The following MAPRE3 variants were observed in gnomAD, a reference collection of about 807,000 sequenced individuals.
The protein encoded by MAPRE3 is microtubule-associated protein RP/EB family member 3.
MAPRE3 carries 2 observed loss-of-function variants against 30.5 expected under a neutral mutation model. That is an observed-to-expected ratio of 0.07 (90% CI 0.03 to 0.21). MAPRE3 has a LOEUF of 0.21. Among genes scored for constraint, MAPRE3 ranks in the 10% least tolerant of loss-of-function variants. The pLI is 1.00. For missense variants in MAPRE3, 204 were observed against 351.8 expected (o/e 0.58, Z 3.36); for synonymous variants, 110 against 127.7 (o/e 0.86, Z 0.93).
intron 1 of MAPRE3, among the ~76,000 whole-genome samples, chr2:26,993,309 G>A (rs962844355): frequency 6.6e-6 from 1 of 152,164 alleles, no homozygotes; most frequent in Non-Finnish European, 1.5e-5. Flanking sequence ...GGTGGAGATT[G>A]CAGTAAGCCG....
chr2:26,993,175 C>G (rs1666384665), intron 1 of MAPRE3, among the ~76,000 whole-genome samples: 1 of 152,056 alleles, frequency 6.6e-6, no homozygotes, highest in Admixed American at 6.6e-5. Context: ...TTGAGACTAG[C>G]CTGGCCAACA....
At chr2:26,995,842 T>TGTGTGTGTGTGGG (rs1572753429) in intron 1 of MAPRE3, among the ~76,000 whole-genome samples, 1 of 150,118 alleles carries the variant, frequency 6.7e-6, no homozygotes. Flanking sequence ...TGTGTGTGTG[T>TGTGTGTGTGTGGG]TTTGGAAAAG....
intron 1 of MAPRE3, among the ~76,000 whole-genome samples, chr2:26,990,645 G>A (rs956316077): frequency 4.6e-5 from 7 of 152,202 alleles, no homozygotes; most frequent in Admixed American, 4.6e-4. Context: ...AGAAAGGTCT[G>A]AGGAATATAC....
intron 1 of MAPRE3, among the ~76,000 whole-genome samples, chr2:27,010,918 A>G (rs547116201): frequency 6.6e-6 from 1 of 152,300 alleles, no homozygotes; most frequent in Non-Finnish European, 1.5e-5. Flanking sequence ...CTCCACAATC[A>G]TCTGCAGGTC....
chr2:27,018,453 T>G (rs542253693), intron 1 of MAPRE3, among the ~76,000 whole-genome samples: 27 of 152,202 alleles, frequency 1.8e-4, no homozygotes, highest in Non-Finnish European at 3.7e-4. Flanking sequence ...TCTCTACCTC[T>G]GCATGCCCTC....
rs181633162 is a variant in MAPRE3, at chr2:26,989,432, T to A, written c.-8+18630T>A. 3.3e-5 allele frequency among the ~76,000 whole-genome samples: 5 copies of A among 152,300 alleles called. No homozygotes were observed. In the East Asian group the frequency reaches 9.6e-4, roughly 29 times the overall value. On this transcript the variant is annotated intron_variant, in intron 1 of 6. Coordinates refer to ENST00000233121, the MANE Select transcript of MAPRE3 (RefSeq NM_012326.4). ...AAGGACAATAACAGCAGAAACTGAA[T>A]GAAAGGCAGGCTTGAATTCTGTTCT...
chr2:27,005,707 A>T (rs917233385), intron 1 of MAPRE3, among the ~76,000 whole-genome samples: 3 of 152,216 alleles, frequency 2.0e-5, no homozygotes, highest in African/African-American at 7.2e-5. Flanking sequence ...TGAGAACATG[A>T]CATCCAAAGG....
intron 1 of MAPRE3, chr2:27,002,772 C>T (rs1666628716): frequency 6.6e-6 from 1 of 152,244 alleles, no homozygotes; most frequent in Non-Finnish European, 1.5e-5. Context: ...CTCATCTATT[C>T]TTGTTTTGAA....
intron 1 of MAPRE3, among the ~76,000 whole-genome samples, chr2:26,974,527 C>T (rs1481461516): frequency 1.3e-5 from 2 of 152,162 alleles, no homozygotes; most frequent in Non-Finnish European, 2.9e-5. Context: ...AGAGGAGGAG[C>T]GTGCACATTG....
chr2:27,017,868 A>G (rs1365422277), intron 1 of MAPRE3, among the ~76,000 whole-genome samples: 1 of 152,130 alleles, frequency 6.6e-6, no homozygotes. Flanking sequence ...TATCATACAC[A>G]CACACACTTG....
chr2:27,004,493 G>A (rs1254912928), intron 1 of MAPRE3, among the ~76,000 whole-genome samples: 1 of 152,030 alleles, frequency 6.6e-6, no homozygotes, highest in Admixed American at 6.6e-5. Flanking sequence ...CTCTGGTGAT[G>A]TGAATTTTTC....
At chr2:27,004,548 C>A (rs748046465) in intron 1 of MAPRE3, among the ~76,000 whole-genome samples, 7 of 152,060 alleles carry the variant, frequency 4.6e-5, no homozygotes, top group Non-Finnish European at 7.4e-5. Context: ...AAATACATTT[C>A]ATGATAGCTG....
At chr2:26,978,103 T>C (rs1483787510) in intron 1 of MAPRE3, among the ~76,000 whole-genome samples, 1 of 152,222 alleles carries the variant, frequency 6.6e-6, no homozygotes, top group East Asian at 1.9e-4. Flanking sequence ...TGGGTATGGC[T>C]GGCTGGAGAG....
rs532181759 is a variant in MAPRE3, at chr2:26,988,260, C to T, written c.-8+17458C>T. ...GACAGTTTTTAAATACAAGGACATT[C>T]CAGCATCTCATTATTCTGTGATGGT... On this transcript the variant is annotated intron_variant, in intron 1 of 6. Coordinates refer to ENST00000233121, the MANE Select transcript of MAPRE3 (RefSeq NM_012326.4). Among the ~76,000 whole-genome samples, 5 of 152,324 alleles carry T rather than the reference C, an allele frequency of 3.3e-5. No individual in the cohort carries two copies. In the Middle Eastern group the frequency reaches 0.01, roughly 311 times the overall value.
At chr2:26,977,921 C>T (rs764231712) in intron 1 of MAPRE3, among the ~76,000 whole-genome samples, 8 of 152,168 alleles carry the variant, frequency 5.3e-5, no homozygotes, top group Non-Finnish European at 1.0e-4. Flanking sequence ...CCTGAGGATC[C>T]GGGACTTCGA....
Position 27,015,186 on chromosome 2 carries a change from G to A in MAPRE3, c.-7-7026G>A, listed in dbSNP as rs921996723. Among the ~76,000 whole-genome samples the A allele has an allele frequency of 1.3e-5, 2 of 152,180 alleles. No individual in the cohort carries two copies. Among genetic ancestry groups the A allele is most frequent in the African/African-American group, 2.4e-5 (1 of 41,446 alleles). ...GCTGTGTGTCAGGCACCTACTCCTC[G>A]AACAAATGCCCTTAGATTCTCACTG... On this transcript the variant is annotated intron_variant, in intron 1 of 6. Coordinates refer to ENST00000233121, the MANE Select transcript of MAPRE3 (RefSeq NM_012326.4). This position sits in a 1 kb window ranked among gnomAD's most constrained non-coding sequence, Gnocchi z 4.0.
intron 1 of MAPRE3, among the ~76,000 whole-genome samples, chr2:26,984,069 A>T (rs1310991794): frequency 6.6e-6 from 1 of 152,206 alleles, no homozygotes; most frequent in African/African-American, 2.4e-5. Context: ...CCCTCACCCT[A>T]ATAATGTTTG....
chr2:26,976,271 A>C (rs527245422), intron 1 of MAPRE3, among the ~76,000 whole-genome samples: 3 of 152,262 alleles, frequency 2.0e-5, no homozygotes, highest in Non-Finnish European at 4.4e-5. Flanking sequence ...TTCAGCTTTT[A>C]ATTTTGTCGT....
chr2:27,023,624 C>T (rs1244804071), intron 3 of MAPRE3, 147 bp downstream of exon 3: 3 of 928,060 alleles, frequency 3.2e-6, no homozygotes, highest in Non-Finnish European at 5.0e-6. Flanking sequence ...GGAATTTTCC[C>T]CCTGCTCAAG....
Sources: gnomAD v4.1 joint callset for allele counts (sites outside exome capture counted in the v4.1 genomes callset) on GRCh38, gnomAD v4.1.1 for gene constraint, Gnocchi (gnomAD v3.1) non-coding constraint, MANE v1.5 for transcripts, NCBI Gene and HGNC (gene_info 2026-07-23, HGNC 2026-07-21) for gene names.